ROBO2: variants seen among roughly 807,000 people sequenced by gnomAD.
The protein encoded by ROBO2 is roundabout guidance receptor 2, also known as roundabout homolog 2.
A neutral mutation model predicts 160.8 loss-of-function variants in ROBO2; 53 were observed. The ratio of observed to expected loss-of-function variants is 0.33; its 90% CI spans 0.26 to 0.41. The LOEUF (loss-of-function observed/expected upper bound fraction) is 0.41. Ranked by LOEUF, ROBO2 falls within the 10% of genes least tolerant of loss-of-function variation. The pLI, the probability that ROBO2 is intolerant of heterozygous loss-of-function variation, is 1.00. For synonymous variants in ROBO2, 664 were observed against 611.7 expected (o/e 1.09, Z -1.26); for missense variants, 1,577 against 1,722.4 (o/e 0.92, Z 1.49).
intron 5 of ROBO2, among the ~76,000 whole-genome samples, chr3:77,513,395 A>G (rs988859271): frequency 1.3e-5 from 2 of 151,858 alleles, no homozygotes; most frequent in African/African-American, 4.8e-5. Context: ...TTGATATTTT[A>G]AAAATAAATT....
intron 2 of ROBO2, among the ~76,000 whole-genome samples, chr3:76,299,567 A>G (rs969322737): frequency 2.6e-5 from 4 of 152,086 alleles, no homozygotes; most frequent in Admixed American, 1.3e-4. Context: ...AAATGGGGAG[A>G]TGATGCAAGA....
At chr3:77,071,909 T>G (rs2067458544) in intron 1 of ROBO2, among the ~76,000 whole-genome samples, 1 of 152,090 alleles carries the variant, frequency 6.6e-6, no homozygotes, top group African/African-American at 2.4e-5. Context: ...CTGACATTAT[T>G]CTAGTCTCTA....
chr3:76,759,266 C>T (rs1560511631), intron 2 of ROBO2, among the ~76,000 whole-genome samples: 1 of 151,726 alleles, frequency 6.6e-6, no homozygotes, highest in Non-Finnish European at 1.5e-5. Flanking sequence ...TTTTCCCCTC[C>T]ACCTATACTC....
intron 2 of ROBO2, among the ~76,000 whole-genome samples, chr3:76,379,608 C>A (rs2076519417): frequency 6.6e-6 from 1 of 152,076 alleles, no homozygotes; most frequent in African/African-American, 2.4e-5. Flanking sequence ...GATAAAATTT[C>A]TGGTTCAGAT....
intron 21 of ROBO2, among the ~76,000 whole-genome samples, chr3:77,615,086 G>A (rs1324828010): frequency 6.6e-6 from 1 of 152,024 alleles, no homozygotes; most frequent in Non-Finnish European, 1.5e-5. Context: ...CTGATTATTT[G>A]TTTAATATCA....
In ROBO2 at chr3:76,477,803, TA is replaced by T. The variant is rs555957922; in HGVS notation, c.109+540210del. ...CCTGCTGTTCCTTATGTCCTACTAC[TA>T]AAAAAAAATCTCCACAGGCTTTAAA... is the stretch of plus-strand genomic sequence containing the variant. On this transcript the variant is annotated intron_variant, in intron 2 of 26. Coordinates refer to the ROBO2 transcript ENST00000487694. Among the ~76,000 whole-genome samples the T allele has an allele frequency of 2.7e-4, 41 of 151,056 alleles. No homozygotes were observed. The East Asian group carries it at 6.0e-3, about 22-fold the overall frequency.
chr3:77,094,303 G>A (rs2070745873), intron 1 of ROBO2, among the ~76,000 whole-genome samples: 1 of 152,104 alleles, frequency 6.6e-6, no homozygotes, highest in African/African-American at 2.4e-5. Flanking sequence ...GTTCATCTAT[G>A]TTGTAGCATG....
intron 2 of ROBO2, among the ~76,000 whole-genome samples, chr3:77,326,624 C>T (rs566109356): frequency 3.3e-5 from 5 of 152,096 alleles, no homozygotes; most frequent in South Asian, 2.1e-4. Context: ...TATGTGAATG[C>T]GTTTCTTTTT....
intron 2 of ROBO2, among the ~76,000 whole-genome samples, chr3:76,269,389 A>T (rs1384110819): frequency 6.6e-6 from 1 of 152,024 alleles, no homozygotes; most frequent in Admixed American, 6.6e-5. Flanking sequence ...CTTCTCTTCC[A>T]TTGCTTCTTG....
intron 2 of ROBO2, among the ~76,000 whole-genome samples, chr3:76,424,701 T>A (rs531704009): frequency 6.6e-6 from 1 of 152,290 alleles, no homozygotes; most frequent in South Asian, 2.1e-4. Context: ...TGGGAGGACA[T>A]CTTTGGAGTT....
At chr3:76,687,482 C>T (rs2092710050) in intron 2 of ROBO2, among the ~76,000 whole-genome samples, 1 of 151,944 alleles carries the variant, frequency 6.6e-6, no homozygotes, top group African/African-American at 2.4e-5. Flanking sequence ...ATGACAGTCA[C>T]ATGATCAAAA....
At chr3:76,230,410 T>C (rs549278766) in intron 2 of ROBO2, among the ~76,000 whole-genome samples, 2 of 152,282 alleles carry the variant, frequency 1.3e-5, no homozygotes, top group Non-Finnish European at 2.9e-5. Flanking sequence ...CCATTAATTG[T>C]CAAATTAACA....
intron 21 of ROBO2, among the ~76,000 whole-genome samples, chr3:77,616,114 A>G (rs142853314): frequency 0.011 from 1,667 of 152,300 alleles, 21 homozygotes; most frequent in Non-Finnish European, 0.018. Flanking sequence ...GTACCACAAT[A>G]TAAGTATTAT....
chr3:76,301,795 C>T (rs1709371388), intron 2 of ROBO2, among the ~76,000 whole-genome samples: 1 of 152,020 alleles, frequency 6.6e-6, no homozygotes, highest in Admixed American at 6.6e-5. Context: ...GACCATGTAA[C>T]AAAAATATAG....
chr3:76,955,308 T>G (rs2079179066), intron 2 of ROBO2, among the ~76,000 whole-genome samples: 1 of 152,200 alleles, frequency 6.6e-6, no homozygotes, highest in Non-Finnish European at 1.5e-5. Flanking sequence ...CTATGAATAA[T>G]GCTGCAAGAA....
intron 2 of ROBO2, among the ~76,000 whole-genome samples, chr3:76,626,719 G>A (rs1378043162): frequency 6.6e-6 from 1 of 151,448 alleles, no homozygotes; most frequent in Non-Finnish European, 1.5e-5. Flanking sequence ...TTGAGACGGA[G>A]TCTCACTCTG....
chr3:76,717,153 T>C (rs2093392553), intron 2 of ROBO2, among the ~76,000 whole-genome samples: 1 of 152,116 alleles, frequency 6.6e-6, no homozygotes, highest in South Asian at 2.1e-4. Flanking sequence ...ATAAATCTTT[T>C]ACAAAGAATC....
intron 2 of ROBO2, among the ~76,000 whole-genome samples, chr3:76,711,210 A>G (rs994187830): frequency 6.6e-6 from 1 of 152,332 alleles, no homozygotes; most frequent in East Asian, 1.9e-4. Flanking sequence ...AGGAAGTCTC[A>G]GGAAACTTAT....
intron 2 of ROBO2, among the ~76,000 whole-genome samples, chr3:77,240,827 T>G (rs2088927617): frequency 6.6e-6 from 1 of 152,192 alleles, no homozygotes; most frequent in African/African-American, 2.4e-5. Flanking sequence ...AAATCAGAGT[T>G]GAAGGGACAT....
Sources: gnomAD v4.1 joint callset for allele counts (sites outside exome capture counted in the v4.1 genomes callset) on GRCh38, gnomAD v4.1.1 for gene constraint, MANE v1.5 for transcripts, NCBI Gene and HGNC (gene_info 2026-07-23, HGNC 2026-07-21) for gene names.